Variants in GRM8 observed in about 807,000 individuals in gnomAD.
The protein encoded by GRM8 is glutamate metabotropic receptor 8, also known as metabotropic glutamate receptor 8.
GRM8 carries 47 observed loss-of-function variants against 87.2 expected under a neutral mutation model. The observed-to-expected ratio is 0.54, with a 90% confidence interval of 0.43 to 0.69. GRM8 has a LOEUF of 0.69. GRM8 is among the 30% of genes least tolerant of loss of function. The pLI is 0.00. For synonymous variants in GRM8, 396 were observed against 404.5 expected, an observed-to-expected ratio of 0.98 and a Z score of 0.25; for missense variants, 1,019 against 1,139.2, an observed-to-expected ratio of 0.89 and a Z score of 1.52.
intron 2 of GRM8, among the ~76,000 whole-genome samples, chr7:127,235,783 G>C (rs1797951744): frequency 6.6e-6 from 1 of 152,200 alleles, no homozygotes; most frequent in Non-Finnish European, 1.5e-5. Context: ...TAAAAGCTAT[G>C]CTGGCAATGC....
At chr7:126,773,062 G>A (rs2151616544) in intron 6 of GRM8, among the ~76,000 whole-genome samples, 1 of 152,190 alleles carries the variant, frequency 6.6e-6, no homozygotes, top group Admixed American at 6.5e-5. Context: ...ATACAGAGAG[G>A]AGGGAAAGGA....
chr7:127,212,621 T>G (rs1796288043), intron 2 of GRM8, among the ~76,000 whole-genome samples: 1 of 151,824 alleles, frequency 6.6e-6, no homozygotes, highest in Middle Eastern at 3.4e-3. Context: ...GTTTCACCGT[T>G]TTAGCCGGGA....
intron 3 of GRM8, among the ~76,000 whole-genome samples, chr7:126,970,626 T>C (rs1448044458): frequency 3.9e-5 from 6 of 152,172 alleles, no homozygotes; most frequent in African/African-American, 1.4e-4. Flanking sequence ...TGCTTTCTTA[T>C]CATTCATGTG....
intron 7 of GRM8, among the ~76,000 whole-genome samples, chr7:126,703,497 C>A (rs1019130720): frequency 1.3e-5 from 2 of 152,124 alleles, no homozygotes; most frequent in African/African-American, 4.8e-5. Context: ...TAAACCAGGT[C>A]CTAGGGTCAA....
At chr7:126,463,815 C>A (rs1804175831) in intron 9 of GRM8, among the ~76,000 whole-genome samples, 1 of 151,628 alleles carries the variant, frequency 6.6e-6, no homozygotes, top group African/African-American at 2.4e-5. Flanking sequence ...TAGTTCAAAT[C>A]TGACACTGCC....
chr7:126,993,667 T>A (rs1233763401), intron 3 of GRM8, among the ~76,000 whole-genome samples: 1 of 152,058 alleles, frequency 6.6e-6, no homozygotes, highest in African/African-American at 2.4e-5. Flanking sequence ...ATCTGTACAC[T>A]TGGGGGAGGG....
At chr7:126,581,718 C>A (rs1795627280) in intron 8 of GRM8, among the ~76,000 whole-genome samples, 2 of 151,938 alleles carry the variant, frequency 1.3e-5, no homozygotes, top group African/African-American at 2.4e-5. Context: ...CAGCATGTAC[C>A]CACTTCATGT....
At chr7:127,092,805 T>C (rs1450840952) in intron 3 of GRM8, among the ~76,000 whole-genome samples, 2 of 152,226 alleles carry the variant, frequency 1.3e-5, no homozygotes, top group African/African-American at 4.8e-5. Context: ...GTGACTCTCT[T>C]GCCATGTGGC....
At chr7:127,226,561 A>T (rs762162682) in intron 2 of GRM8, among the ~76,000 whole-genome samples, 2 of 152,216 alleles carry the variant, frequency 1.3e-5, no homozygotes, top group Non-Finnish European at 2.9e-5. Context: ...TTGCCCAAGG[A>T]AGCCTCTCCC....
chr7:127,167,143 AG>A (rs1050958347), intron 2 of GRM8, among the ~76,000 whole-genome samples: 1 of 152,178 alleles, frequency 6.6e-6, no homozygotes, highest in African/African-American at 2.4e-5. Context: ...GCAGGCAAAA[AG>A]GAGGCACCCT....
intron 6 of GRM8, among the ~76,000 whole-genome samples, chr7:126,879,707 T>C: frequency 6.6e-6 from 1 of 152,352 alleles, no homozygotes; most frequent in Admixed American, 6.5e-5. Flanking sequence ...AAAGTTATAC[T>C]GTATTTTCTT....
intron 2 of GRM8, among the ~76,000 whole-genome samples, chr7:127,203,062 G>T (rs141576310): frequency 8.9e-4 from 136 of 152,238 alleles, no homozygotes; most frequent in African/African-American, 3.2e-3. Flanking sequence ...CATGAATTAT[G>T]TTTCATGAGA....
intron 3 of GRM8, among the ~76,000 whole-genome samples, chr7:126,971,228 T>C (rs1054906158): frequency 7.0e-6 from 1 of 143,336 alleles, no homozygotes; most frequent in Non-Finnish European, 1.5e-5. Context: ...CCTGTACATA[T>C]AAACATCATG....
chr7:126,645,672 T>C (rs925833841), intron 7 of GRM8, among the ~76,000 whole-genome samples: 8 of 152,214 alleles, frequency 5.3e-5, no homozygotes, highest in African/African-American at 1.9e-4. Flanking sequence ...ATTACAAGTT[T>C]AAAATGTTTT....
chr7:126,888,574 T>C (rs1800709851), intron 6 of GRM8, among the ~76,000 whole-genome samples: 1 of 152,140 alleles, frequency 6.6e-6, no homozygotes, highest in Non-Finnish European at 1.5e-5. Context: ...CATATTCTGA[T>C]GGATTCTTGA....
chr7:126,659,815 T>G lies in GRM8; in HGVS notation c.1358-50317A>C, dbSNP rs796205359. 1.8e-4 allele frequency among the ~76,000 whole-genome samples: 27 copies of G among 152,318 alleles called. 1 individual carries two copies. Among genetic ancestry groups the G allele is most frequent in the African/African-American group, 6.5e-4 (27 of 41,570 alleles). ...TTGATATCCTTGATTTTGTTTGCATTTATTTGTGTGCTAGTAAGACTAATC... is the reference window on the plus strand; with the variant it reads ...TTGATATCCTTGATTTTGTTTGCATGTATTTGTGTGCTAGTAAGACTAATC... On this transcript the variant is annotated intron_variant, in intron 7 of 10. Coordinates refer to ENST00000339582, the MANE Select transcript of GRM8 (RefSeq NM_000845.3).
At chr7:127,063,408 T>C (rs10270189) in intron 3 of GRM8, among the ~76,000 whole-genome samples, 17,189 of 151,914 alleles carry the variant, frequency 0.11, 2,005 homozygotes, top group African/African-American at 0.3. Context: ...AAACCCTGTC[T>C]CTACTAAAAA....
intron 7 of GRM8, among the ~76,000 whole-genome samples, chr7:126,727,756 A>G (rs1228472776): frequency 6.6e-6 from 1 of 150,916 alleles, no homozygotes; most frequent in Non-Finnish European, 1.5e-5. Flanking sequence ...AAAAAACAAA[A>G]CTATAGGTCC....
At chr7:126,628,782 AGT>A (rs1421671541) in intron 7 of GRM8, among the ~76,000 whole-genome samples, 3 of 152,154 alleles carry the variant, frequency 2.0e-5, no homozygotes, top group African/African-American at 7.2e-5. Flanking sequence ...GGGACATAAG[AGT>A]GTTTTCATAG....
Sources: gnomAD v4.1 joint callset for allele counts (sites outside exome capture counted in the v4.1 genomes callset) on GRCh38, gnomAD v4.1.1 for gene constraint, MANE v1.5 for transcripts, NCBI Gene and HGNC (gene_info 2026-07-23, HGNC 2026-07-21) for gene names.